Variants in FGD5 observed in about 807,000 individuals in gnomAD.
FGD5 encodes the protein FYVE, RhoGEF and PH domain-containing protein 5.
Under a neutral mutation model 133.4 loss-of-function variants are expected in FGD5, and 28 were observed. The ratio of observed to expected loss-of-function variants is 0.21; its 90% confidence interval spans 0.16 to 0.29. FGD5 has a LOEUF of 0.29. Ranked by LOEUF, FGD5 falls within the 10% of genes least tolerant of loss-of-function variation. The pLI is 1.00. For missense variants in FGD5, 1,858 were observed against 1,895.2 expected (o/e 0.98, Z 0.36); for synonymous variants, 810 against 776.5 (o/e 1.04, Z -0.72).
At chr3:14,903,267 G>A (rs12637434) in intron 9 of FGD5, among the ~76,000 whole-genome samples, 128,246 of 152,190 alleles carry the variant, frequency 0.84, 54,240 homozygotes, top group East Asian at 0.98. Context: ...ATGTTTAAAA[G>A]CAATGTTAAA....
intron 2 of FGD5, among the ~76,000 whole-genome samples, chr3:14,872,041 C>T (rs1656440): frequency 0.14 from 21,886 of 152,214 alleles, 1,903 homozygotes; most frequent in East Asian, 0.39. Context: ...TCCTCAGTGA[C>T]TCACGTGTGC....
chr3:14,923,463 A>T, intron 16 of FGD5: 2 of 423,482 alleles, frequency 4.7e-6, no homozygotes, highest in South Asian at 5.6e-5. Flanking sequence ...TTTACCATAG[A>T]GGCCCTCTTG....
chr3:14,890,006 T>C (rs537422669), intron 4 of FGD5, among the ~76,000 whole-genome samples: 1 of 152,334 alleles, frequency 6.6e-6, no homozygotes, highest in African/African-American at 2.4e-5. Flanking sequence ...AACAGCTTCA[T>C]TGAGATATAA....
At chr3:14,896,561 C>A (rs1299467475) in intron 4 of FGD5, among the ~76,000 whole-genome samples, 1 of 152,056 alleles carries the variant, frequency 6.6e-6, no homozygotes, top group Non-Finnish European at 1.5e-5. Flanking sequence ...CCCTCTGCCT[C>A]CTGGGTTCAA....
At position 14,898,931 on chromosome 3, in the gene FGD5, C is replaced by T. The variant is rs1005984423; in HGVS notation, c.3154+105C>T. 10 of 1,028,716 alleles carry T rather than the reference C, an allele frequency of 9.7e-6. No homozygotes were observed. In the African/African-American group the frequency reaches 1.6e-4, roughly 16 times the overall value. 63.7% of individuals were successfully genotyped at this position (1,028,716 alleles called of 1,614,324 possible). ...TGACCTTGCCTCTGACCATGTCAGGCAGGTGTTGGGGAAGGGTGACCTCTG... is the reference window on the plus strand; with the variant it reads ...TGACCTTGCCTCTGACCATGTCAGGTAGGTGTTGGGGAAGGGTGACCTCTG... On this transcript the variant is annotated intron_variant, in intron 7 of 19. Coordinates refer to ENST00000285046, the MANE Select transcript of FGD5 (RefSeq NM_152536.4).
chr3:14,905,412 C>T (rs932699731), intron 9 of FGD5, among the ~76,000 whole-genome samples: 4 of 152,082 alleles, frequency 2.6e-5, no homozygotes, highest in African/African-American at 9.7e-5. Context: ...CTTCTTGGAT[C>T]TGTGGTTTGT....
intron 1 of FGD5, among the ~76,000 whole-genome samples, chr3:14,822,893 G>C (rs2036530338): frequency 6.6e-6 from 1 of 152,188 alleles, no homozygotes. Context: ...GCTGTTGTTG[G>C]AGTAGAGCTG....
intron 17 of FGD5, among the ~76,000 whole-genome samples, chr3:14,925,517 C>T (rs991596826): frequency 6.6e-5 from 10 of 152,148 alleles, no homozygotes; most frequent in Admixed American, 1.3e-4. Flanking sequence ...AATGGGAAAT[C>T]CAGGTTGGTA....
intron 1 of FGD5, among the ~76,000 whole-genome samples, chr3:14,822,449 A>G (rs2036522706): frequency 6.6e-6 from 1 of 152,110 alleles, no homozygotes; most frequent in African/African-American, 2.4e-5. Flanking sequence ...CCCTGAGCTA[A>G]ATTACTGAAT....
chr3:14,923,349 CT>C (rs1328601780), intron 16 of FGD5, 174 bp downstream of exon 16: 8 of 900,860 alleles, frequency 8.9e-6, no homozygotes, highest in Non-Finnish European at 1.1e-5. Context: ...TATGTGGATT[CT>C]GTGGAAAATT....
chr3:14,848,976 C>T (rs2037106806), intron 1 of FGD5, among the ~76,000 whole-genome samples: 1 of 152,164 alleles, frequency 6.6e-6, no homozygotes, highest in Admixed American at 6.5e-5. Flanking sequence ...GGTTTAGAGC[C>T]CTTGGCAAAG....
intron 1 of FGD5, among the ~76,000 whole-genome samples, chr3:14,812,490 G>T (rs188909552): frequency 3.3e-5 from 5 of 152,324 alleles, no homozygotes; most frequent in Admixed American, 2.6e-4. Context: ...GGAGTGAGTC[G>T]GAATAAACTT....
chr3:14,901,184 T>C (rs558809601), intron 9 of FGD5, 123 bp downstream of exon 9: 2 of 1,047,050 alleles, frequency 1.9e-6, no homozygotes, highest in East Asian at 4.8e-5. Flanking sequence ...CTTGTGGGAC[T>C]CTGCAGAGAG....
rs548388194 is a variant in FGD5, at chr3:14,914,764, C to T, written c.3406-2485C>T. 4.6e-5 allele frequency among the ~76,000 whole-genome samples: 7 copies of T among 152,328 alleles called. No individual in the cohort carries two copies. The East Asian group carries it at 1.4e-3, about 29-fold the overall frequency. The stretch of plus-strand genomic sequence containing the variant: ...CTGTGACCTCAGGCATGGCCTCTGG[C>T]CTCTCTGGGCCTCAGTTTCTCCCTC... On this transcript the variant is annotated intron_variant, in intron 11 of 19. Coordinates refer to ENST00000285046, the MANE Select transcript of FGD5 (RefSeq NM_152536.4).
At chr3:14,842,703 T>C (rs898881461) in intron 1 of FGD5, among the ~76,000 whole-genome samples, 22 of 152,254 alleles carry the variant, frequency 1.4e-4, no homozygotes, top group African/African-American at 5.3e-4. Flanking sequence ...TTTGGAACCC[T>C]CTGCCATCTT....
chr3:14,857,909 C>T (rs2037315947), intron 1 of FGD5, among the ~76,000 whole-genome samples: 2 of 151,986 alleles, frequency 1.3e-5, no homozygotes, highest in Admixed American at 6.6e-5. Flanking sequence ...ATTACTATCA[C>T]CCCTGTTTTA....
Position 14,819,390 on chromosome 3 carries a change from G to A in FGD5, c.319G>A (p.Glu107Lys), listed in dbSNP as rs1482585572. 1.2e-5 allele frequency: 19 copies of A among 1,549,966 alleles called. No homozygotes were observed. Among genetic ancestry groups the A allele is most frequent in the South Asian group, 4.8e-5 (4 of 83,818 alleles). ...GGAAGAGGAGCGTGAAGAGGGAGGC[G>A]AGGCATGTGGCCTGGAGGGTACAGG... Reference protein sequence around the residue: ...EEEEEREEGGEACGLEGTGAG... With the variant: ...EEEEEREEGGKACGLEGTGAG... The change falls in exon 1 of 20, where the codon GAG (glutamate) becomes AAG (lysine). Residue 107 changes from glutamate (E) to lysine (K), a missense_variant. Glu to Lys is a moderately conservative substitution (Grantham distance 56, BLOSUM62 1). Around this residue, in one of 3 missense-constraint regions of FGD5, gnomAD observed 1,824 missense variants for 1,848.9 expected, o/e 0.99. Transcript: ENST00000285046. The surrounding 1 kb of genome is among the most constrained non-coding windows in gnomAD (Gnocchi z 4.1).
chr3:14,892,449 T>C (rs964107284), intron 4 of FGD5, among the ~76,000 whole-genome samples: 19 of 152,180 alleles, frequency 1.2e-4, no homozygotes, highest in African/African-American at 4.3e-4. Flanking sequence ...TCCTCCCGTG[T>C]TGGCCTTTGA....
chr3:14,912,806 G>C (rs988882050), intron 11 of FGD5, among the ~76,000 whole-genome samples: 1 of 152,144 alleles, frequency 6.6e-6, no homozygotes, highest in Non-Finnish European at 1.5e-5. Flanking sequence ...GGAGGCCGAG[G>C]CAGGCGGGTC....
Sources: allele counts gnomAD v4.1 joint callset (sites outside exome capture counted in the v4.1 genomes callset), GRCh38; gene constraint gnomAD v4.1.1; regional missense constraint gnomAD v4.1.1; non-coding constraint Gnocchi (gnomAD v3.1); transcripts MANE v1.5; gene names NCBI Gene and HGNC (gene_info 2026-07-23, HGNC 2026-07-21).